C14orf119: variants seen among roughly 807,000 people sequenced by gnomAD.
C14orf119 encodes chromosome 14 open reading frame 119, also known as uncharacterized protein C14orf119.
Under a neutral mutation model 13.5 loss-of-function variants are expected in C14orf119, and 17 were observed. That is an observed-to-expected ratio of 1.26 (90% CI 0.86 to 1.88). C14orf119 has a LOEUF of 1.88. Ranked by LOEUF, C14orf119 falls within the 40% of genes most tolerant of loss-of-function variation. The pLI, the probability that C14orf119 is intolerant of heterozygous loss-of-function variation, is 0.00. For missense variants in C14orf119, 162 were observed against 165.9 expected, an observed-to-expected ratio of 0.98 and a Z score of 0.13; for synonymous variants, 61 against 61.9, an observed-to-expected ratio of 0.99 and a Z score of 0.07.
In C14orf119 at chr14:23,097,737, T is replaced by C; in HGVS notation, c.79T>C (p.Ser27Pro). 1 of 1,613,988 alleles carries C rather than the reference T, an allele frequency of 6.2e-7. No individual in the cohort carries two copies. Among genetic ancestry groups the C allele is most frequent in the Admixed American group, 1.7e-5 (1 of 60,018 alleles). ...CTCAGTACCACACAATACTAACCCT[T>C]CCCCTCCTCTGATGTCTTACATCAC... ...LPSVPHNTNP[S>P]PPLMSYITSQ... The change falls in exon 2 of 2, where the codon TCC becomes CCC. Residue 27 changes from serine (S) to proline (P), a missense_variant. Coordinates refer to ENST00000319074, the MANE Select transcript of C14orf119 (RefSeq NM_017924.4).
At position 23,099,499 on chromosome 14, in the gene C14orf119, T is replaced by C. The variant is rs1365570016; in HGVS notation, c.*1418T>C. 7.3e-6 allele frequency: 3 copies of C among 412,104 alleles called. No homozygotes were observed. The highest frequency in any genetic ancestry group is 1.3e-5 in the Non-Finnish European group (3 of 225,914). The allele number at this position is 412,104 out of a possible 1,614,324, so 25.5% of individuals were successfully genotyped here. A position where few individuals can be genotyped will look rare whatever the true frequency, so the allele number is the denominator to read the frequency against. On this transcript the variant is annotated 3_prime_UTR_variant, in exon 2 of 2. Transcript: ENST00000319074. ...TGAAGTAACCAGCAACCTAGGAACA[T>C]AGAAGGTAATATTTGGCATGGAATA...
In C14orf119 at chr14:23,099,568, T is replaced by G; in HGVS notation, c.*1487T>G. 1 of 406,596 alleles carries G rather than the reference T, an allele frequency of 2.5e-6. No individual in the cohort carries two copies. Among genetic ancestry groups the G allele is most frequent in the Non-Finnish European group, 4.5e-6 (1 of 224,502 alleles). 25.2% of individuals were successfully genotyped at this position (406,596 alleles called of 1,614,324 possible). ...TAAAGCGGCATTACCTTTTTTTTTTTTTTTTTTTGGAGACAAGGTCTTGGT... is the reference window on the plus strand; with the variant it reads ...TAAAGCGGCATTACCTTTTTTTTTTGTTTTTTTTGGAGACAAGGTCTTGGT... On this transcript the variant is annotated 3_prime_UTR_variant, in exon 2 of 2. Coordinates refer to ENST00000319074, the MANE Select transcript of C14orf119 (RefSeq NM_017924.4).
In C14orf119 at chr14:23,100,370, G is replaced by C; in HGVS notation, c.*2289G>C. Reference sequence around the variant, plus strand: ...CAGGTAGTGACGGGACTGGATGATCGTGTTAGGGATCTTTGTTCTCTGAAA... The same window carrying C: ...CAGGTAGTGACGGGACTGGATGATCCTGTTAGGGATCTTTGTTCTCTGAAA... On this transcript the variant is annotated 3_prime_UTR_variant, in exon 2 of 2. Coordinates refer to ENST00000319074, the MANE Select transcript of C14orf119 (RefSeq NM_017924.4). 4.9e-6 allele frequency: 2 copies of C among 411,670 alleles called. No homozygotes were observed. Among genetic ancestry groups the C allele is most frequent in the Non-Finnish European group, 8.9e-6 (2 of 225,566 alleles). The allele number at this position is 411,670 out of a possible 1,614,324, so 25.5% of individuals were successfully genotyped here.
At position 23,100,292 on chromosome 14, in the gene C14orf119, GATCC is replaced by G. The variant is rs1379187950; in HGVS notation, c.*2212_*2215del. On this transcript the variant is annotated 3_prime_UTR_variant, in exon 2 of 2. Transcript: ENST00000319074. ...GAAAAAGGTGGGGGGAGGGGACTAA[GATCC>G]CTATGTCCTAGAGATGGGGGAATGT... is the stretch of plus-strand genomic sequence containing the variant. 2.5e-6 allele frequency: 1 copy of G among 395,526 alleles called. No individual in the cohort carries two copies. 24.5% of individuals were successfully genotyped at this position (395,526 alleles called of 1,614,324 possible).
chr14:23,099,224 C>G lies in C14orf119; in HGVS notation c.*1143C>G. ...TAAGTATACACAATAGATTTTCCATCCAGTTGTCTCACAAGAAATTATTCT... is the reference window on the plus strand; with the variant it reads ...TAAGTATACACAATAGATTTTCCATGCAGTTGTCTCACAAGAAATTATTCT... On this transcript the variant is annotated 3_prime_UTR_variant, in exon 2 of 2. Coordinates refer to ENST00000319074, the MANE Select transcript of C14orf119 (RefSeq NM_017924.4). 2.4e-6 allele frequency: 1 copy of G among 413,228 alleles called. No individual in the cohort carries two copies. The highest frequency in any genetic ancestry group is 4.4e-6 in the Non-Finnish European group (1 of 226,100). The allele number at this position is 413,228 out of a possible 1,614,324, so 25.6% of individuals were successfully genotyped here.
chr14:23,095,899 G>A (rs1436477673), intron 1 of C14orf119, among the ~76,000 whole-genome samples: 2 of 152,194 alleles, frequency 1.3e-5, no homozygotes, highest in African/African-American at 4.8e-5. Context: ...GTTTGCCTTG[G>A]AAGCCATGTG....
Position 23,098,063 on chromosome 14 carries a change from T to C in C14orf119, c.405T>C (p.Ala135=). ...FVAKFYQAVA[A]TAGKD ...CAAAGTTTTACCAAGCAGTGGCTGC[T>C]ACAGCTGGTAAGGACTGATAGGCAT... is the stretch of plus-strand genomic sequence containing the variant. The change falls in exon 2 of 2, where the codon GCT becomes GCC. Residue 135 remains alanine (A), a synonymous_variant. Transcript: ENST00000319074. The C allele has an allele frequency of 3.1e-6, 5 of 1,613,912 alleles. No individual in the cohort carries two copies. Among genetic ancestry groups the C allele is most frequent in the Non-Finnish European group, 4.2e-6 (5 of 1,179,980 alleles).
intron 1 of C14orf119, among the ~76,000 whole-genome samples, chr14:23,095,999 T>G (rs960009000): frequency 6.6e-6 from 1 of 152,210 alleles, no homozygotes; most frequent in African/African-American, 2.4e-5. Context: ...AACTGGAAAA[T>G]GCAAGCGCCC....
chr14:23,097,760 C>A lies in C14orf119; in HGVS notation c.102C>A (p.Ile34=). The change falls in exon 2 of 2, where the codon ATC becomes ATA. Residue 34 remains isoleucine (I), a synonymous_variant. Transcript: ENST00000319074. ...CTTCCCCTCCTCTGATGTCTTACAT[C>A]ACCTCCCAGGAGATGAAGTGTATTC... ...TNPSPPLMSY[I]TSQEMKCILH... 6.2e-7 allele frequency: 1 copy of A among 1,614,122 alleles called. No homozygotes were observed.
rs1239649270 is a variant in C14orf119 at position 23,096,577 on chromosome 14, T to A, written c.-2+958T>A. ...ATACCATACTAAAAAAAAAAAAAAA[T>A]TTTTTTTTTGTCACTCCACTCTGGG... On this transcript the variant is annotated intron_variant, in intron 1 of 1. Transcript: ENST00000319074. Among the ~76,000 whole-genome samples, 8 of 111,102 alleles carry A rather than the reference T, an allele frequency of 7.2e-5. No homozygotes were observed. The South Asian group carries it at 1.4e-3, about 19-fold the overall frequency. 72.9% of individuals were successfully genotyped at this position (111,102 alleles called of 152,430 possible).
intron 1 of C14orf119, among the ~76,000 whole-genome samples, chr14:23,096,191 G>A (rs1396823334): frequency 6.6e-6 from 1 of 152,226 alleles, no homozygotes; most frequent in Non-Finnish European, 1.5e-5. Flanking sequence ...AGTCAAATTG[G>A]CTGATCTTTC....
At chr14:23,096,482 C>A (rs1416492193) in intron 1 of C14orf119, among the ~76,000 whole-genome samples, 1 of 128,254 alleles carries the variant, frequency 7.8e-6, no homozygotes, top group Non-Finnish European at 1.5e-5. Context: ...GCACTACAGC[C>A]TGGGTGACAG....
chr14:23,097,886 T>G lies in C14orf119; in HGVS notation c.228T>G (p.Ser76Arg). 6.2e-7 allele frequency: 1 copy of G among 1,614,136 alleles called. No individual in the cohort carries two copies. The highest frequency in any genetic ancestry group is 8.5e-7 in the Non-Finnish European group (1 of 1,179,980). ...VPEKLQPLLD[S>R]LEQLSVSGAD... ...AAAAATTACAACCACTGCTGGATAGTCTGGAGCAGCTTAGTGTGTCTGGGG... is the reference window on the plus strand; with the variant it reads ...AAAAATTACAACCACTGCTGGATAGGCTGGAGCAGCTTAGTGTGTCTGGGG... Residue 76 changes from serine to arginine, a missense_variant, in exon 2 of 2, where the codon AGT (serine) becomes AGG (arginine). By Grantham distance (110) the Ser-to-Arg change is moderately radical (BLOSUM62 -1). Coordinates refer to ENST00000319074, the MANE Select transcript of C14orf119 (RefSeq NM_017924.4).
intron 1 of C14orf119, among the ~76,000 whole-genome samples, chr14:23,096,965 AAACC>A (rs2048385951): frequency 6.6e-6 from 1 of 152,188 alleles, no homozygotes; most frequent in Non-Finnish European, 1.5e-5. Context: ...CTAAGCCAAC[AAACC>A]AACTGGACTC....
chr14:23,097,869 C>G lies in C14orf119; in HGVS notation c.211C>G (p.Gln71Glu), dbSNP rs775872696. The change falls in exon 2 of 2, where the codon CAA becomes GAA. Residue 71 changes from glutamine to glutamate, a missense_variant. By Grantham distance (29) the Gln-to-Glu change is conservative. Transcript: ENST00000319074. Reference protein sequence around the residue: ...LVAKAVPEKLQPLLDSLEQLS... With the variant: ...LVAKAVPEKLEPLLDSLEQLS... ...AGCTAAGGCAGTGCCAGAAAAATTA[C>G]AACCACTGCTGGATAGTCTGGAGCA... 6.2e-7 allele frequency: 1 copy of G among 1,614,222 alleles called. No individual in the cohort carries two copies. Among genetic ancestry groups the G allele is most frequent in the Admixed American group, 1.7e-5 (1 of 60,028 alleles).
Position 23,099,154 on chromosome 14 carries a change from AATATT to A in C14orf119, c.*1074_*1078del, listed in dbSNP as rs2048409923. 7.3e-6 allele frequency: 3 copies of A among 411,602 alleles called. No individual in the cohort carries two copies. Among genetic ancestry groups the A allele is most frequent in the Non-Finnish European group, 1.3e-5 (3 of 225,596 alleles). The allele number at this position is 411,602 out of a possible 1,614,324, so 25.5% of individuals were successfully genotyped here. A position where few individuals can be genotyped will look rare whatever the true frequency, so the allele number is the denominator to read the frequency against. On this transcript the variant is annotated 3_prime_UTR_variant, in exon 2 of 2. Coordinates refer to ENST00000319074, the MANE Select transcript of C14orf119 (RefSeq NM_017924.4). ...CCCTTTTTTCATTGCCAGGCTATAT[AATATT>A]GACAACCGGGGAAAGAGGCATTCCA...
At chr14:23,096,657 G>A (rs1384781618) in intron 1 of C14orf119, among the ~76,000 whole-genome samples, 3 of 151,380 alleles carry the variant, frequency 2.0e-5, no homozygotes, top group African/African-American at 7.3e-5. Flanking sequence ...GCTCACTGCA[G>A]CCTCAACCTC....
In C14orf119 at chr14:23,099,125, T is replaced by A. The variant is rs1207167000; in HGVS notation, c.*1044T>A. 4 of 409,798 alleles carry A rather than the reference T, an allele frequency of 9.8e-6. No individual in the cohort carries two copies. The highest frequency in any genetic ancestry group is 6.2e-5 in the African/African-American group (3 of 48,564). The allele number at this position is 409,798 out of a possible 1,614,324, so 25.4% of individuals were successfully genotyped here. A position where few individuals can be genotyped will look rare whatever the true frequency, so the allele number is the denominator to read the frequency against. ...GAATGGATCTTTAGAACTGTAAAACTTCACCCTTTTTTCATTGCCAGGCTA... is the reference window on the plus strand; with the variant it reads ...GAATGGATCTTTAGAACTGTAAAACATCACCCTTTTTTCATTGCCAGGCTA... On this transcript the variant is annotated 3_prime_UTR_variant, in exon 2 of 2. Transcript: ENST00000319074.
chr14:23,097,210 A>G (rs1752270534), intron 1 of C14orf119, among the ~76,000 whole-genome samples: 1 of 152,208 alleles, frequency 6.6e-6, no homozygotes, highest in African/African-American at 2.4e-5. Flanking sequence ...GATAGCTGCA[A>G]AACAATTAGC....
Sources: gnomAD v4.1 joint callset for allele counts (sites outside exome capture counted in the v4.1 genomes callset) on GRCh38, gnomAD v4.1.1 for gene constraint, MANE v1.5 for transcripts, NCBI Gene and HGNC (gene_info 2026-07-23, HGNC 2026-07-21) for gene names.